NDST1: variants seen among roughly 807,000 people sequenced by gnomAD.
NDST1 encodes the protein bifunctional heparan sulfate N-deacetylase/N-sulfotransferase 1.
Under a neutral mutation model 92.8 loss-of-function variants are expected in NDST1, and 35 were observed. The observed-to-expected ratio is 0.38, with a 90% confidence interval of 0.29 to 0.50. The LOEUF is 0.50. NDST1 is among the 20% of genes least tolerant of loss of function. The pLI, the probability that NDST1 is intolerant of heterozygous loss-of-function variation, is 0.94. For synonymous variants in NDST1, 493 were observed against 500.3 expected (o/e 0.99, Z 0.19); for missense variants, 822 against 1,182.7 (o/e 0.69, Z 4.47).
At chr5:150,552,205 G>A (rs1337739500) in intron 14 of NDST1, among the ~76,000 whole-genome samples, 1 of 152,062 alleles carries the variant, frequency 6.6e-6, no homozygotes, top group Non-Finnish European at 1.5e-5. Context: ...GTCAGAGAGG[G>A]CACACAAGTG....
intron 1 of NDST1, among the ~76,000 whole-genome samples, chr5:150,518,436 C>T (rs1456842888): frequency 1.3e-5 from 2 of 152,112 alleles, no homozygotes. Flanking sequence ...TGCCCCAACC[C>T]CCTTGTAACA....
chr5:150,551,614 T>A, intron 13 of NDST1, 139 bp from the exon 14 acceptor site: 1 of 1,088,696 alleles, frequency 9.2e-7, no homozygotes, highest in East Asian at 2.8e-5. Flanking sequence ...AGATGGCACA[T>A]AGCTTCTGAC....
At chr5:150,551,614 T>C in intron 13 of NDST1, 139 bp from the exon 14 acceptor site, 1 of 1,088,696 alleles carries the variant, frequency 9.2e-7, no homozygotes, top group South Asian at 1.3e-5. Context: ...AGATGGCACA[T>C]AGCTTCTGAC....
At chr5:150,507,266 CTTTTTTT>C (rs377397910), upstream of NDST1, among the ~76,000 whole-genome samples, 2 of 146,910 alleles carry the variant, frequency 1.4e-5, no homozygotes, top group East Asian at 4.0e-4. Flanking sequence ...ATAAACATAC[CTTTTTTT>C]TTTTTTTAAC....
In NDST1 at chr5:150,518,471, A is replaced by G. The variant is rs60459191; in HGVS notation, c.-387-2397A>G. ...ATGCAGGAAGCCCAGAGGGAGCCACACAGTGCATCATGGCAGAGCTGAGAC... is the reference window on the plus strand; with the variant it reads ...ATGCAGGAAGCCCAGAGGGAGCCACGCAGTGCATCATGGCAGAGCTGAGAC... On this transcript the variant is annotated intron_variant, in intron 1 of 14. Transcript: ENST00000261797. Among the ~76,000 whole-genome samples, 1,472 of 152,268 alleles carry G rather than the reference A, an allele frequency of 9.7e-3. 24 individuals are homozygous for G. The highest frequency in any genetic ancestry group is 0.033 in the African/African-American group (1,376 of 41,534).
chr5:150,503,933 A>C (rs1753339447), upstream of NDST1, among the ~76,000 whole-genome samples: 1 of 152,288 alleles, frequency 6.6e-6, no homozygotes, highest in South Asian at 2.1e-4. Flanking sequence ...ATTTACGTGT[A>C]GGTAGGGCTC....
chr5:150,534,781 C>T (rs1359158246), intron 4 of NDST1, 86 bp from the exon 5 acceptor site: 4 of 1,560,246 alleles, frequency 2.6e-6, no homozygotes, highest in Non-Finnish European at 3.5e-6. Context: ...TGGGCTCTGG[C>T]CATGCTCTCC....
rs79579751 is a variant in NDST1, at chr5:150,524,721, G to A, written c.513+2954G>A. On this transcript the variant is annotated intron_variant, in intron 2 of 14. Coordinates refer to ENST00000261797, the MANE Select transcript of NDST1 (RefSeq NM_001543.5). ...GTCTGAAATGCTGGGGACCGTAAGT[G>A]TCTCAGATTTTGGAATGCTTGCATT... Among the ~76,000 whole-genome samples the A allele has an allele frequency of 4.0e-3, 615 of 152,354 alleles. 3 individuals are homozygous for A. The highest frequency in any genetic ancestry group is 0.014 in the African/African-American group (587 of 41,574).
In NDST1 at chr5:150,554,279, GT is replaced by G. The variant is rs924802141; in HGVS notation, c.*958del. 1,809 of 289,970 alleles carry G rather than the reference GT, an allele frequency of 6.2e-3. No homozygotes were observed. The highest frequency in any genetic ancestry group is 8.7e-3 in the East Asian group (169 of 19,456). 18.0% of individuals were successfully genotyped at this position (289,970 alleles called of 1,614,324 possible). On this transcript the variant is annotated 3_prime_UTR_variant, in exon 15 of 15. Transcript: ENST00000261797. ...AGAAGCTAAAATATTTTAATATTTT[GT>G]TTTTTTTTTTCTTGGTGCCAGAGTT...
At chr5:150,545,748 T>C (rs141577846) in intron 11 of NDST1, among the ~76,000 whole-genome samples, 99 of 152,256 alleles carry the variant, frequency 6.5e-4, no homozygotes, top group Admixed American at 1.5e-3. Flanking sequence ...TGACAAGAGG[T>C]GGAGGCTGGT....
At chr5:150,539,671 A>G (rs3776839) in intron 7 of NDST1, 18,476 of 985,206 alleles carry the variant, frequency 0.019, 364 homozygotes, top group East Asian at 0.15. Context: ...TATATGAACA[A>G]CATTTGAGTT....
At chr5:150,540,401 T>TGCTGGTAAGTAGATGGGGA in intron 8 of NDST1, 137 bp downstream of exon 8, 1 of 927,190 alleles carries the variant, frequency 1.1e-6, no homozygotes, top group Non-Finnish European at 1.6e-6. Flanking sequence ...CAGGTCCCCA[T>TGCTGGTAAGTAGATGGGGA]CTACTTACCA....
intron 4 of NDST1, 87 bp from the exon 5 acceptor site, chr5:150,534,780 G>T (rs546918913): frequency 1.8e-4 from 285 of 1,562,642 alleles, no homozygotes; most frequent in Non-Finnish European, 2.4e-4. Flanking sequence ...GTGGGCTCTG[G>T]CCATGCTCTC....
intron 14 of NDST1, among the ~76,000 whole-genome samples, chr5:150,552,853 T>C (rs1488677158): frequency 1.3e-5 from 2 of 152,084 alleles, no homozygotes; most frequent in Non-Finnish European, 2.9e-5. Flanking sequence ...TTTGTTTTTT[T>C]GTTTTCTTTT....
intron 1 of NDST1, among the ~76,000 whole-genome samples, chr5:150,508,770 C>T (rs934264512): frequency 6.6e-6 from 1 of 152,072 alleles, no homozygotes; most frequent in African/African-American, 2.4e-5. Context: ...TGATGGGGGC[C>T]AGTCACAACC....
rs927444610 is a variant in NDST1, at chr5:150,536,021, C to T, written c.1437+136C>T. ...TGCAGATCAGCTTCTGCTGCCTCCT[C>T]TGGCACCCGAGGCTCTCTGCCCCAG... is the stretch of plus-strand genomic sequence containing the variant. On this transcript the variant is annotated intron_variant, in intron 6 of 14. Coordinates refer to ENST00000261797, the MANE Select transcript of NDST1 (RefSeq NM_001543.5). The T allele has an allele frequency of 1.2e-5, 12 of 1,042,026 alleles. No individual in the cohort carries two copies. In the African/African-American group the frequency reaches 1.6e-4, roughly 14 times the overall value. 64.5% of individuals were successfully genotyped at this position (1,042,026 alleles called of 1,614,324 possible).
chr5:150,505,509 G>A (rs569050126), upstream of NDST1, among the ~76,000 whole-genome samples: 1 of 152,262 alleles, frequency 6.6e-6, no homozygotes, highest in South Asian at 2.1e-4. Flanking sequence ...GTAAAATGAG[G>A]CCATGATCAA....
intron 10 of NDST1, among the ~76,000 whole-genome samples, chr5:150,544,853 A>G (rs1178942150): frequency 6.6e-6 from 1 of 152,110 alleles, no homozygotes; most frequent in African/African-American, 2.4e-5. Flanking sequence ...CCAGGTCAGG[A>G]AAGAAAGTCC....
Position 150,521,919 on chromosome 5 carries a change from C to T in NDST1, c.513+152C>T, listed in dbSNP as rs1463414779. The T allele has an allele frequency of 4.8e-6, 5 of 1,041,422 alleles. No homozygotes were observed. The highest frequency in any genetic ancestry group is 7.1e-6 in the Non-Finnish European group (5 of 700,026). 64.5% of individuals were successfully genotyped at this position (1,041,422 alleles called of 1,614,324 possible). On this transcript the variant is annotated intron_variant, in intron 2 of 14. Transcript: ENST00000261797. This position sits in a 1 kb window ranked among gnomAD's most constrained non-coding sequence, Gnocchi z 5.9. ...GTGAGTATATGTAAAGCACTGGGAGCATGCGGTGCCCACTGCCTGGCAAGT... is the reference window on the plus strand; with the variant it reads ...GTGAGTATATGTAAAGCACTGGGAGTATGCGGTGCCCACTGCCTGGCAAGT...
Sources: allele counts gnomAD v4.1 joint callset (sites outside exome capture counted in the v4.1 genomes callset), GRCh38; gene constraint gnomAD v4.1.1; non-coding constraint Gnocchi (gnomAD v3.1); transcripts MANE v1.5; gene names NCBI Gene and HGNC (gene_info 2026-07-23, HGNC 2026-07-21).